Variants in LDHAL6A observed in about 807,000 individuals in gnomAD.
LDHAL6A encodes the protein lactate dehydrogenase A like 6A, also known as L-lactate dehydrogenase A-like 6A.
A neutral mutation model predicts 28.2 loss-of-function variants in LDHAL6A; 19 were observed. The ratio of observed to expected loss-of-function variants is 0.67; its 90% CI spans 0.47 to 0.99. The LOEUF (loss-of-function observed/expected upper bound fraction) is 0.99. LDHAL6A is among the 50% of genes least tolerant of loss of function. The pLI is 0.00. For synonymous variants in LDHAL6A, 144 were observed against 134.4 expected (o/e 1.07, Z -0.49); for missense variants, 372 against 398.6 (o/e 0.93, Z 0.57).
intron 3 of LDHAL6A, 29 bp downstream of exon 3, chr11:18,465,839 T>G: frequency 1.3e-6 from 2 of 1,578,428 alleles, no homozygotes; most frequent in East Asian, 2.2e-5. Flanking sequence ...AATTTTCAAC[T>G]TTTAGATTCG....
chr11:18,464,624 A>G (rs1026330974), intron 2 of LDHAL6A, among the ~76,000 whole-genome samples: 1 of 151,912 alleles, frequency 6.6e-6, no homozygotes, highest in Non-Finnish European at 1.5e-5. Context: ...CTGAGGCAGG[A>G]GAATCGCTTG....
intron 3 of LDHAL6A, among the ~76,000 whole-genome samples, chr11:18,473,089 T>C (rs1000825642): frequency 2.6e-5 from 4 of 152,206 alleles, no homozygotes; most frequent in African/African-American, 4.8e-5. Flanking sequence ...TACGAGTATT[T>C]TCTTATTTTT....
At chr11:18,458,448 C>T (rs1848814657) in intron 1 of LDHAL6A, among the ~76,000 whole-genome samples, 1 of 152,202 alleles carries the variant, frequency 6.6e-6, no homozygotes, top group African/African-American at 2.4e-5. Context: ...CCTTCCCAGT[C>T]ACCTCCTGCT....
chr11:18,477,635 C>G lies in LDHAL6A; in HGVS notation c.726C>G (p.Val242=). 1 of 1,608,094 alleles carries G rather than the reference C, an allele frequency of 6.2e-7. No homozygotes were observed. Among genetic ancestry groups the G allele is most frequent in the South Asian group, 1.1e-5 (1 of 89,784 alleles). ...CTATCTACAGTGGCTATGAGATGGTCAAAATGAAAGGTTATACTTCTTGGG... is the reference window on the plus strand; with the variant it reads ...CTATCTACAGTGGCTATGAGATGGTGAAAATGAAAGGTTATACTTCTTGGG... The part of the protein sequence containing the change: ...KKVISSGYEM[V]KMKGYTSWGI... The change falls in exon 6 of 7, where the codon GTC becomes GTG. Residue 242 remains valine (V), a synonymous_variant. Transcript: ENST00000280706.
At chr11:18,461,873 A>AAAAAAC (rs1848918666) in intron 1 of LDHAL6A, among the ~76,000 whole-genome samples, 1 of 150,974 alleles carries the variant, frequency 6.6e-6, no homozygotes, top group African/African-American at 2.4e-5. Context: ...AAAAAAAAAA[A>AAAAAAC]AACTAGGCTG....
At chr11:18,469,208 G>T in intron 3 of LDHAL6A, 1 of 637,294 alleles carries the variant, frequency 1.6e-6, no homozygotes, top group Non-Finnish European at 2.8e-6. Flanking sequence ...AACCGTTCAG[G>T]GCACTGAAGT....
intron 3 of LDHAL6A, among the ~76,000 whole-genome samples, chr11:18,471,271 G>A (rs1453836737): frequency 4.0e-5 from 6 of 149,624 alleles, no homozygotes; most frequent in Non-Finnish European, 7.4e-5. Context: ...GTGCAGTGGC[G>A]CAAACTTGGC....
At chr11:18,464,977 G>GTTTTTTTTGT (rs1849016188) in intron 2 of LDHAL6A, among the ~76,000 whole-genome samples, 6 of 125,564 alleles carry the variant, frequency 4.8e-5, no homozygotes, top group Non-Finnish European at 4.9e-5. Flanking sequence ...TGTTTTTTTT[G>GTTTTTTTTGT]TTTTTTTTTG....
At chr11:18,476,037 T>TA (rs1565075839) in intron 4 of LDHAL6A, among the ~76,000 whole-genome samples, 2 of 152,256 alleles carry the variant, frequency 1.3e-5, no homozygotes, top group East Asian at 3.9e-4. Context: ...GCTGTGGTAA[T>TA]AGCAGTCTTT....
chr11:18,465,426 GTTTTTT>G (rs5790038), intron 2 of LDHAL6A, among the ~76,000 whole-genome samples: 5 of 140,068 alleles, frequency 3.6e-5, no homozygotes, highest in Non-Finnish European at 7.8e-5. Context: ...CATGACTTAC[GTTTTTT>G]TTTTTTTTTT....
chr11:18,464,159 C>T, intron 2 of LDHAL6A, 81 bp downstream of exon 2: 4 of 986,636 alleles, frequency 4.1e-6, no homozygotes, highest in East Asian at 2.6e-5. Context: ...TTTCTTTTGA[C>T]CTCCCCAGTT....
Position 18,478,962 on chromosome 11 carries a change from A to T in LDHAL6A, c.*92A>T. 6 of 1,182,208 alleles carry T rather than the reference A, an allele frequency of 5.1e-6. No individual in the cohort carries two copies. The highest frequency in any genetic ancestry group is 5.9e-6 in the Non-Finnish European group (5 of 842,192). 73.2% of individuals were successfully genotyped at this position (1,182,208 alleles called of 1,614,324 possible). On this transcript the variant is annotated 3_prime_UTR_variant, in exon 7 of 7. Transcript: ENST00000280706. ...TTTTGAATAAATTTGAATTTCTAAA[A>T]GTTGGAAAAATAGAGGAAAGAGTGA...
chr11:18,472,147 T>C (rs1849270734), intron 3 of LDHAL6A, among the ~76,000 whole-genome samples: 1 of 152,208 alleles, frequency 6.6e-6, no homozygotes, highest in Admixed American at 6.5e-5. Flanking sequence ...TCACATTCTC[T>C]GTTCCAGACC....
intron 6 of LDHAL6A, among the ~76,000 whole-genome samples, chr11:18,478,406 T>C (rs749408670): frequency 6.6e-6 from 1 of 152,086 alleles, no homozygotes; most frequent in African/African-American, 2.4e-5. Flanking sequence ...TTAAATTGTT[T>C]TCTGTCGGCC....
chr11:18,476,968 C>A (rs150262772), intron 5 of LDHAL6A, among the ~76,000 whole-genome samples: 7 of 150,878 alleles, frequency 4.6e-5, no homozygotes, highest in Admixed American at 4.6e-4. Context: ...AGGGAGACCC[C>A]ATCTCTGCTG....
At chr11:18,462,447 C>T (rs939263208) in intron 1 of LDHAL6A, among the ~76,000 whole-genome samples, 4 of 151,800 alleles carry the variant, frequency 2.6e-5, no homozygotes, top group East Asian at 3.9e-4. Context: ...ACCATCCTGG[C>T]TAACACGGTG....
chr11:18,467,757 C>T (rs1040722721), intron 3 of LDHAL6A, among the ~76,000 whole-genome samples: 3 of 149,678 alleles, frequency 2.0e-5, no homozygotes, highest in Non-Finnish European at 4.4e-5. Context: ...ACTTGGGAGG[C>T]TGAGGCAAGA....
chr11:18,478,576 A>G, intron 6 of LDHAL6A, 130 bp from the exon 7 acceptor site: 1 of 695,218 alleles, frequency 1.4e-6, no homozygotes, highest in East Asian at 2.9e-5. Flanking sequence ...AAAAGAAAAA[A>G]GTTCTCTGCC....
chr11:18,476,502 GTAATATGC>G lies in LDHAL6A; in HGVS notation c.710+4_710+11del, dbSNP rs1384899289. 1.9e-6 allele frequency: 3 copies of G among 1,613,324 alleles called. No individual in the cohort carries two copies. The South Asian group carries it at 3.3e-5, about 18-fold the overall frequency. On this transcript the variant is annotated splice_donor_variant and splice_donor_5th_base_variant and intron_variant, in intron 5 of 6. Coordinates refer to ENST00000280706, the MANE Select transcript of LDHAL6A (RefSeq NM_144972.5). LOFTEE classifies it high-confidence loss of function. ...ATGTCCACAAAAAAGTGATTTCCAG[GTAATATGC>G]TAGTTTCACATTTTCAGTACCTTAG...
Sources: allele counts gnomAD v4.1 joint callset (sites outside exome capture counted in the v4.1 genomes callset), GRCh38; gene constraint gnomAD v4.1.1; transcripts MANE v1.5; gene names NCBI Gene and HGNC (gene_info 2026-07-23, HGNC 2026-07-21).